Variants in FBN2 observed in about 807,000 individuals in gnomAD.
FBN2 encodes fibrillin-2.
In FBN2, 105 loss-of-function variants were observed where a neutral mutation model predicts 355.6. The observed-to-expected ratio is 0.30, with a 90% CI of 0.25 to 0.35. FBN2 has a LOEUF of 0.35. FBN2 is among the 10% of genes least tolerant of loss of function. The pLI is 1.00. For missense variants in FBN2, 3,280 were observed against 3,758.7 expected, an observed-to-expected ratio of 0.87 and a Z score of 3.33; for synonymous variants, 1,350 against 1,301.2, an observed-to-expected ratio of 1.04 and a Z score of -0.81.
intron 48 of FBN2, 114 bp from the exon 49 acceptor site, chr5:128,291,768 ATGTT>A: frequency 9.8e-7 from 1 of 1,023,736 alleles, no homozygotes; most frequent in Non-Finnish European, 1.5e-6. Flanking sequence ...ATTACGTTGT[ATGTT>A]TAACTTATTC....
At chr5:128,316,125 GTCTTC>G (rs1258101370) in intron 36 of FBN2, among the ~76,000 whole-genome samples, 1 of 152,170 alleles carries the variant, frequency 6.6e-6, no homozygotes, top group African/African-American at 2.4e-5. Context: ...GGTGTCTCCA[GTCTTC>G]TCTTGCACTT....
In FBN2 at chr5:128,310,396, ATATATATTTTTTTTTTT is replaced by A. The variant is rs1449569514; in HGVS notation, c.5075-305_5075-289del. ...TATATATATATATATATATATATAT[ATATATATTTTTTTTTTT>A]TTTTTTTTATTGCAATTCGCATTCT... On this transcript the variant is annotated intron_variant, in intron 39 of 64. Coordinates refer to ENST00000262464, the MANE Select transcript of FBN2 (RefSeq NM_001999.4). Among the ~76,000 whole-genome samples, 86 of 18,414 alleles carry A rather than the reference ATATATATTTTTTTTTTT, an allele frequency of 4.7e-3. 1 individual carries two copies. Among genetic ancestry groups the A allele is most frequent in the African/African-American group, 0.015 (74 of 5,094 alleles). The allele number at this position is 18,414 out of a possible 152,430, so 12.1% of individuals were successfully genotyped here. A position where few individuals can be genotyped will look rare whatever the true frequency, so the allele number is the denominator to read the frequency against.
At chr5:128,405,188 A>G (rs1752894293) in intron 8 of FBN2, among the ~76,000 whole-genome samples, 1 of 152,156 alleles carries the variant, frequency 6.6e-6, no homozygotes, top group Non-Finnish European at 1.5e-5. Context: ...GCTAGACTCC[A>G]TCTTTAAAAA....
intron 27 of FBN2, 56 bp from the exon 28 acceptor site, chr5:128,336,169 C>G (rs1750836252): frequency 2.5e-6 from 4 of 1,573,328 alleles, no homozygotes; most frequent in Non-Finnish European, 2.6e-6. Context: ...CTAAAGCCAT[C>G]AGAAAGGTGC....
Position 128,446,533 on chromosome 5 carries a change from T to C in FBN2, c.900A>G (p.Glu300=). Residue 300 remains glutamate, a synonymous_variant, in exon 7 of 65, where the codon GAA becomes GAG. Transcript: ENST00000262464. Reference sequence around the variant, plus strand: ...GTTTGTGACCAGCAGGGCATCTGCATTCAAAAGAGCCCACTGTATTGATAC... The same window carrying C: ...GTTTGTGACCAGCAGGGCATCTGCACTCAAAAGAGCCCACTGTATTGATAC... ...GNCINTVGSF[E]CRCPAGHKQS... The C allele has an allele frequency of 6.2e-7, 1 of 1,614,030 alleles. No individual in the cohort carries two copies. The highest frequency in any genetic ancestry group is 8.5e-7 in the Non-Finnish European group (1 of 1,179,906).
chr5:128,429,168 T>C (rs962024598), intron 7 of FBN2, among the ~76,000 whole-genome samples: 8 of 152,112 alleles, frequency 5.3e-5, no homozygotes, highest in African/African-American at 1.9e-4. Flanking sequence ...CTTCTCCCTC[T>C]CCCACACTCT....
At chr5:128,375,996 A>T (rs1048566978) in intron 14 of FBN2, among the ~76,000 whole-genome samples, 1 of 152,142 alleles carries the variant, frequency 6.6e-6, no homozygotes, top group Non-Finnish European at 1.5e-5. Flanking sequence ...AGATTGTGCC[A>T]CTACACTCCA....
At chr5:128,536,237 T>C (rs1334148695) in intron 2 of FBN2, among the ~76,000 whole-genome samples, 165 bp downstream of exon 2, 1 of 152,216 alleles carries the variant, frequency 6.6e-6, no homozygotes, top group East Asian at 1.9e-4. Flanking sequence ...CTCAAACCGG[T>C]TGAGTCTTCC....
At chr5:128,524,805 T>C (rs146216487) in intron 4 of FBN2, among the ~76,000 whole-genome samples, 42 of 152,276 alleles carry the variant, frequency 2.8e-4, no homozygotes, top group Admixed American at 1.4e-3. Flanking sequence ...GCTTCCCCTA[T>C]ATGTTCTATT....
At chr5:128,347,269 T>C (rs758784084) in intron 23 of FBN2, among the ~76,000 whole-genome samples, 7 of 152,212 alleles carry the variant, frequency 4.6e-5, no homozygotes, top group Non-Finnish European at 7.3e-5. Context: ...TAAAAAGTTA[T>C]AACAGCCAGG....
intron 8 of FBN2, among the ~76,000 whole-genome samples, chr5:128,402,247 T>C (rs1752816272): frequency 6.6e-6 from 1 of 152,102 alleles, no homozygotes; most frequent in Non-Finnish European, 1.5e-5. Context: ...AGGGAATCAT[T>C]AGGGGCAAAG....
chr5:128,302,941 A>G, intron 46 of FBN2, 32 bp downstream of exon 46: 1 of 1,136,776 alleles, frequency 8.8e-7, no homozygotes, highest in Non-Finnish European at 1.3e-6. Context: ...GAAATGAAAT[A>G]GAAGCAATAA....
intron 19 of FBN2, among the ~76,000 whole-genome samples, chr5:128,358,234 A>T (rs561613661): frequency 1.9e-4 from 29 of 152,088 alleles, no homozygotes; most frequent in South Asian, 8.3e-4. Flanking sequence ...AAAGTACTAT[A>T]AAAAAAATCA....
At chr5:128,259,943 C>A (rs1158253416) in intron 64 of FBN2, 114 bp from the exon 65 acceptor site, 2 of 1,063,914 alleles carry the variant, frequency 1.9e-6, no homozygotes, top group Admixed American at 1.8e-5. Context: ...GCTTCCCACT[C>A]CCGCTTTCTG....
chr5:128,404,655 A>G (rs375593796), intron 8 of FBN2, among the ~76,000 whole-genome samples: 7 of 152,226 alleles, frequency 4.6e-5, no homozygotes, highest in African/African-American at 1.7e-4. Flanking sequence ...ACAAACTTCT[A>G]TGCAAGATGC....
At chr5:128,447,904 T>C (rs569211057) in intron 6 of FBN2, among the ~76,000 whole-genome samples, 1 of 152,232 alleles carries the variant, frequency 6.6e-6, no homozygotes, top group Non-Finnish European at 1.5e-5. Context: ...CATTGAATTA[T>C]TGGGGGCGGG....
In FBN2 at chr5:128,533,862, TA is replaced by T. The variant is rs923489265; in HGVS notation, c.337+2539del. 6.9e-3 allele frequency among the ~76,000 whole-genome samples: 1,004 copies of T among 145,110 alleles called. 3 individuals are homozygous for T. The highest frequency in any genetic ancestry group is 0.032 in the Middle Eastern group (9 of 284). On this transcript the variant is annotated intron_variant, in intron 2 of 64. Transcript: ENST00000262464. ...TCATTGCTTCATGTTCTAAGAAGATTAAAAAAAAAAAGGTGAGAAAGTCAAT... is the reference window on the plus strand; with the variant it reads ...TCATTGCTTCATGTTCTAAGAAGATTAAAAAAAAAAGGTGAGAAAGTCAAT...
chr5:128,389,755 G>A (rs1752462335), intron 11 of FBN2, among the ~76,000 whole-genome samples: 1 of 152,178 alleles, frequency 6.6e-6, no homozygotes, highest in Non-Finnish European at 1.5e-5. Flanking sequence ...CCCCTGCAAA[G>A]AGTGGGCCAC....
chr5:128,414,067 A>C (rs924538783), intron 7 of FBN2, among the ~76,000 whole-genome samples: 5 of 152,158 alleles, frequency 3.3e-5, no homozygotes, highest in African/African-American at 4.8e-5. Flanking sequence ...CTCTTTTCAG[A>C]TTTCAAAAGC....
Sources: gnomAD v4.1 joint callset for allele counts (sites outside exome capture counted in the v4.1 genomes callset) on GRCh38, gnomAD v4.1.1 for gene constraint, MANE v1.5 for transcripts, NCBI Gene and HGNC (gene_info 2026-07-23, HGNC 2026-07-21) for gene names.